MYO16: variants seen among roughly 807,000 people sequenced by gnomAD.
The protein encoded by MYO16 is myosin XVI.
Under a neutral mutation model 205.3 loss-of-function variants are expected in MYO16, and 94 were observed. That is an observed-to-expected ratio of 0.46 (90% CI 0.39 to 0.54). The LOEUF (loss-of-function observed/expected upper bound fraction) is 0.54. Ranked by LOEUF, MYO16 falls within the 20% of genes least tolerant of loss-of-function variation. The pLI, the probability that MYO16 is intolerant of heterozygous loss-of-function variation, is 0.00. For missense variants in MYO16, 2,315 were observed against 2,387.5 expected (o/e 0.97, Z 0.63); for synonymous variants, 988 against 954.0 (o/e 1.04, Z -0.66).
chr13:108,705,653 C>T (rs1371313991), intron 2 of MYO16, among the ~76,000 whole-genome samples: 2 of 152,028 alleles, frequency 1.3e-5, no homozygotes, highest in Non-Finnish European at 2.9e-5. Context: ...TTCAAGCATA[C>T]ACTGGAGATC....
rs2139776379 is a variant in MYO16, at chr13:109,127,659, A to G, written c.4051+109A>G. On this transcript the variant is annotated intron_variant, in intron 31 of 34. Transcript: ENST00000457511. The surrounding 1 kb of genome is among the most constrained non-coding windows in gnomAD (Gnocchi z 4.2). Reference sequence around the variant, plus strand: ...TCGCCCTAATGTATTCTTAATAGAAATAAATCCAATTGTTGGCTTGCCAGC... The same window carrying G: ...TCGCCCTAATGTATTCTTAATAGAAGTAAATCCAATTGTTGGCTTGCCAGC... 4 of 1,115,804 alleles carry G rather than the reference A, an allele frequency of 3.6e-6. No homozygotes were observed. The highest frequency in any genetic ancestry group is 5.0e-6 in the Non-Finnish European group (4 of 798,818). 69.1% of individuals were successfully genotyped at this position (1,115,804 alleles called of 1,614,324 possible). A position where few individuals can be genotyped will look rare whatever the true frequency, so the allele number is the denominator to read the frequency against.
the MYO16 span, among the ~76,000 whole-genome samples, chr13:108,560,584 CT>C: frequency 6.6e-6 from 1 of 152,122 alleles, no homozygotes; most frequent in Admixed American, 6.5e-5. Flanking sequence ...GATTTTTCCA[CT>C]CATTTAAATT....
chr13:108,688,118 A>G (rs1157715436), intron 2 of MYO16, among the ~76,000 whole-genome samples: 1 of 152,190 alleles, frequency 6.6e-6, no homozygotes, highest in Non-Finnish European at 1.5e-5. Context: ...TGGGTAAAAG[A>G]AGGCCTTTGT....
chr13:108,597,142 G>A (rs558090233), intron 1 of MYO16, among the ~76,000 whole-genome samples: 1 of 152,214 alleles, frequency 6.6e-6, no homozygotes, highest in East Asian at 1.9e-4. Context: ...TTACTCAGAT[G>A]TTAGTTCTTC....
the MYO16 span, among the ~76,000 whole-genome samples, chr13:108,530,298 G>C: frequency 6.6e-6 from 1 of 152,334 alleles, no homozygotes; most frequent in South Asian, 2.1e-4. Flanking sequence ...AGGAGATGTA[G>C]CATTAAGGAT....
intron 1 of MYO16, among the ~76,000 whole-genome samples, chr13:108,599,195 T>C (rs1878672862): frequency 6.6e-6 from 1 of 151,242 alleles, no homozygotes; most frequent in African/African-American, 2.4e-5. Context: ...GGCTGCATAG[T>C]ATTCCATGGT....
At chr13:108,565,228 T>C in the MYO16 span, among the ~76,000 whole-genome samples, 5 of 152,234 alleles carry the variant, frequency 3.3e-5, no homozygotes, top group Non-Finnish European at 5.9e-5. Context: ...ATGTCATTGG[T>C]ATTTTGACAA....
At chr13:108,585,568 A>G in the MYO16 span, among the ~76,000 whole-genome samples, 5 of 152,186 alleles carry the variant, frequency 3.3e-5, no homozygotes, top group Non-Finnish European at 2.9e-5. Flanking sequence ...GAAAGAAAGG[A>G]AGGAAAACAA....
At chr13:108,706,579 A>T (rs888536989) in intron 2 of MYO16, among the ~76,000 whole-genome samples, 5 of 152,208 alleles carry the variant, frequency 3.3e-5, no homozygotes, top group Non-Finnish European at 7.3e-5. Context: ...TGCCAACTAG[A>T]TTATACACTC....
intron 27 of MYO16, among the ~76,000 whole-genome samples, chr13:109,068,880 C>T (rs1028288546): frequency 5.3e-5 from 8 of 152,128 alleles, no homozygotes; most frequent in African/African-American, 1.9e-4. Flanking sequence ...TGAGAGCCAC[C>T]GTGCCCAGCC....
intron 1 of MYO16, among the ~76,000 whole-genome samples, chr13:108,652,048 T>C (rs1218591971): frequency 9.7e-5 from 14 of 144,278 alleles, no homozygotes; most frequent in Admixed American, 9.4e-4. Flanking sequence ...TCATTGTATA[T>C]GCAGTAAAAA....
At chr13:108,575,277 T>A in the MYO16 span, among the ~76,000 whole-genome samples, 6 of 152,206 alleles carry the variant, frequency 3.9e-5, no homozygotes, top group African/African-American at 1.4e-4. Context: ...AGAATGAGAT[T>A]CAAGATGACC....
chr13:108,534,433 A>C, the MYO16 span, among the ~76,000 whole-genome samples: 1 of 152,146 alleles, frequency 6.6e-6, no homozygotes, highest in South Asian at 2.1e-4. Context: ...GATTGTTCTT[A>C]GGTTTGGTAG....
chr13:109,017,617 G>T (rs529256846), intron 22 of MYO16, among the ~76,000 whole-genome samples: 1 of 152,196 alleles, frequency 6.6e-6, no homozygotes, highest in East Asian at 1.9e-4. Context: ...CGTAGATTTG[G>T]TCTTGTCACA....
Position 108,886,015 on chromosome 13 carries a change from T to C in MYO16, c.1554-2357T>C, listed in dbSNP as rs1197897699. Among the ~76,000 whole-genome samples, 17 of 151,988 alleles carry C rather than the reference T, an allele frequency of 1.1e-4. No individual in the cohort carries two copies. In the East Asian group the frequency reaches 3.1e-3, roughly 28 times the overall value. ...TTTTTTTTTGATATGGAGTCTTGAG[T>C]CTCGCTCTGTCGCCCAGGCTGGAGT... On this transcript the variant is annotated intron_variant, in intron 13 of 34. Transcript: ENST00000457511.
At chr13:108,670,894 C>A (rs1251370155) in intron 2 of MYO16, among the ~76,000 whole-genome samples, 1 of 152,154 alleles carries the variant, frequency 6.6e-6, no homozygotes, top group Non-Finnish European at 1.5e-5. Flanking sequence ...TAATTAAAAT[C>A]TGTTGATAAC....
At chr13:108,966,517 T>G (rs1290521287) in intron 20 of MYO16, among the ~76,000 whole-genome samples, 1 of 152,212 alleles carries the variant, frequency 6.6e-6, no homozygotes, top group African/African-American at 2.4e-5. Context: ...GAAAACACAT[T>G]ATTTGTCTTT....
intron 4 of MYO16, among the ~76,000 whole-genome samples, chr13:108,763,650 A>G (rs372041471): frequency 6.6e-6 from 1 of 152,148 alleles, no homozygotes; most frequent in African/African-American, 2.4e-5. Flanking sequence ...AGCAAACACC[A>G]GTTAACGAAA....
chr13:108,933,099 G>A (rs1882331631), intron 16 of MYO16, among the ~76,000 whole-genome samples: 1 of 152,150 alleles, frequency 6.6e-6, no homozygotes, highest in South Asian at 2.1e-4. Flanking sequence ...TGTTCTCTTG[G>A]TGGAGCAGGA....
Sources: allele counts gnomAD v4.1 joint callset (sites outside exome capture counted in the v4.1 genomes callset), GRCh38; gene constraint gnomAD v4.1.1; non-coding constraint Gnocchi (gnomAD v3.1); transcripts MANE v1.5; gene names NCBI Gene and HGNC (gene_info 2026-07-23, HGNC 2026-07-21).